PUS7L: variants seen among roughly 807,000 people sequenced by gnomAD.
PUS7L encodes the protein pseudouridylate synthase PUS7L.
A neutral mutation model predicts 51.1 loss-of-function variants in PUS7L; 49 were observed. The observed-to-expected ratio is 0.96, with a 90% confidence interval of 0.76 to 1.22. PUS7L has a LOEUF of 1.22. Among genes scored for constraint, PUS7L ranks in the 50% most tolerant of loss-of-function variants. The pLI is 0.00. For missense variants in PUS7L, 828 were observed against 820.6 expected (o/e 1.01, Z -0.11); for synonymous variants, 277 against 276.2 (o/e 1.00, Z -0.03).
intron 3 of PUS7L, among the ~76,000 whole-genome samples, chr12:43,746,601 A>G (rs973080679): frequency 3.3e-5 from 5 of 152,180 alleles, no homozygotes; most frequent in Non-Finnish European, 5.9e-5. Flanking sequence ...CATTACCAAG[A>G]AAAATCACTA....
At chr12:43,742,932 C>T (rs987341087) in intron 4 of PUS7L, among the ~76,000 whole-genome samples, 1 of 152,200 alleles carries the variant, frequency 6.6e-6, no homozygotes, top group African/African-American at 2.4e-5. Context: ...TATTTTGAGA[C>T]TCTTCGGCTG....
intron 7 of PUS7L, among the ~76,000 whole-genome samples, chr12:43,733,918 T>A (rs1210340290): frequency 2.6e-5 from 4 of 152,136 alleles, no homozygotes; most frequent in Non-Finnish European, 5.9e-5. Context: ...TTCTTTCCTA[T>A]TAGGTTGGAG....
intron 7 of PUS7L, 126 bp from the exon 8 acceptor site, chr12:43,731,884 A>C: frequency 1.6e-6 from 1 of 612,612 alleles, no homozygotes; most frequent in Non-Finnish European, 2.9e-6. Context: ...AACCCAAACA[A>C]GATCTTATCA....
Position 43,730,321 on chromosome 12 carries a change from AG to A in PUS7L, c.*54del. Reference sequence around the variant, plus strand: ...ACATGGAAGGTGCTTAAGACATTTTAGCCCCCTTTCCTTCAAAGAGTGACAT... The same window carrying A: ...ACATGGAAGGTGCTTAAGACATTTTACCCCCTTTCCTTCAAAGAGTGACAT... On this transcript the variant is annotated 3_prime_UTR_variant, in exon 9 of 9. Coordinates refer to ENST00000344862, the MANE Select transcript of PUS7L (RefSeq NM_031292.5). The A allele has an allele frequency of 7.5e-7, 1 of 1,329,766 alleles. No homozygotes were observed. Among genetic ancestry groups the A allele is most frequent in the Non-Finnish European group, 1.1e-6 (1 of 945,052 alleles). The allele number at this position is 1,329,766 out of a possible 1,614,324, so 82.4% of individuals were successfully genotyped here. A position where few individuals can be genotyped will look rare whatever the true frequency, so the allele number is the denominator to read the frequency against.
rs945540563 is a variant in PUS7L at position 43,719,269 on chromosome 12, T to C, written c.*11107A>G. 1 of 152,138 alleles carries C rather than the reference T, an allele frequency of 6.6e-6. No individual in the cohort carries two copies. The highest frequency in any genetic ancestry group is 1.5e-5 in the Non-Finnish European group (1 of 68,028). 9.4% of individuals were successfully genotyped at this position (152,138 alleles called of 1,614,324 possible). ...AAGACACAAACACAGATATGTACAA[T>C]TCCATTCACATAAAATTCAAAATCA... On this transcript the variant is annotated 3_prime_UTR_variant, in exon 9 of 9. Coordinates refer to ENST00000344862, the MANE Select transcript of PUS7L (RefSeq NM_031292.5).
At chr12:43,758,654 ACCCCCC>A in intron 1 of PUS7L, 70 bp downstream of exon 1, 2 of 462,024 alleles carry the variant, frequency 4.3e-6, no homozygotes, top group Non-Finnish European at 4.8e-6. Context: ...CAACCTCGTC[ACCCCCC>A]CCCCCCACAC....
intron 5 of PUS7L, among the ~76,000 whole-genome samples, chr12:43,741,367 G>GA (rs1937890622): frequency 6.6e-6 from 1 of 152,150 alleles, no homozygotes; most frequent in Admixed American, 6.5e-5. Flanking sequence ...TTGATTCTCA[G>GA]AAAAATCTTG....
intron 2 of PUS7L, 88 bp from the exon 3 acceptor site, chr12:43,748,697 A>T: frequency 1.9e-6 from 2 of 1,050,824 alleles, no homozygotes; most frequent in South Asian, 3.5e-5. Flanking sequence ...ATAATAAATC[A>T]AACTATTAAT....
intron 4 of PUS7L, 150 bp from the exon 5 acceptor site, chr12:43,742,705 G>A: frequency 8.3e-7 from 1 of 1,209,142 alleles, no homozygotes. Flanking sequence ...TCTGAAAAAT[G>A]CTGTAAATTA....
chr12:43,742,923 A>C (rs1031647669), intron 4 of PUS7L, among the ~76,000 whole-genome samples: 1 of 152,174 alleles, frequency 6.6e-6, no homozygotes, highest in Non-Finnish European at 1.5e-5. Flanking sequence ...GCTCTTTCTT[A>C]TTTTGAGACT....
chr12:43,736,636 CAAT>C lies in PUS7L; in HGVS notation c.1467_1469del (p.Leu490del), dbSNP rs777393171. ...TCTCACGCACTTTGAATTCAGGCATCAATGAAAGTGTGCCTTTAGCATCCTCTG... is the reference window on the plus strand; with the variant it reads ...TCTCACGCACTTTGAATTCAGGCATCGAAAGTGTGCCTTTAGCATCCTCTG... On this transcript the variant is annotated inframe_deletion, in exon 7 of 9. Transcript: ENST00000344862. The C allele has an allele frequency of 6.2e-7, 1 of 1,613,896 alleles. No homozygotes were observed. The highest frequency in any genetic ancestry group is 8.5e-7 in the Non-Finnish European group (1 of 1,179,868).
Position 43,724,507 on chromosome 12 carries a change from A to G in PUS7L, c.*5869T>C, listed in dbSNP as rs907538340. The stretch of plus-strand genomic sequence containing the variant: ...TTCTTAGTGTTTCATAAGACTTGCT[A>G]AAATCAACTATCAGTAAAATTTTAA... On this transcript the variant is annotated 3_prime_UTR_variant, in exon 9 of 9. Transcript: ENST00000344862. 3 of 152,134 alleles carry G rather than the reference A, an allele frequency of 2.0e-5. No homozygotes were observed. The highest frequency in any genetic ancestry group is 4.1e-4 in the South Asian group (2 of 4,836). 9.4% of individuals were successfully genotyped at this position (152,134 alleles called of 1,614,324 possible).
intron 7 of PUS7L, among the ~76,000 whole-genome samples, chr12:43,735,111 C>T (rs1944653622): frequency 6.6e-6 from 1 of 151,672 alleles, no homozygotes; most frequent in Non-Finnish European, 1.5e-5. Context: ...GTCAGGAGAT[C>T]GAGACCATCC....
Position 43,742,530 on chromosome 12 carries a change from C to A in PUS7L, c.1289G>T (p.Gly430Val). ...VKKKGFVNYY[G>V]PQRFGKGRKV... The stretch of plus-strand genomic sequence containing the variant: ...CCTTCCCTTCCCAAATCTCTGTGGT[C>A]CATAGTAATTCACAAAGCCTTTTTT... Residue 430 changes from glycine to valine, a missense_variant, in exon 5 of 9, where the codon GGA becomes GTA. Coordinates refer to ENST00000344862, the MANE Select transcript of PUS7L (RefSeq NM_031292.5). The A allele has an allele frequency of 6.2e-7, 1 of 1,606,450 alleles. No individual in the cohort carries two copies. The highest frequency in any genetic ancestry group is 8.5e-7 in the Non-Finnish European group (1 of 1,177,436).
chr12:43,744,587 A>G (rs920109303), intron 4 of PUS7L, among the ~76,000 whole-genome samples: 2 of 152,210 alleles, frequency 1.3e-5, no homozygotes, highest in Non-Finnish European at 2.9e-5. Context: ...TCATAGCAGC[A>G]TGAGAATGGA....
chr12:43,743,231 G>A (rs1303536098), intron 4 of PUS7L, among the ~76,000 whole-genome samples: 2 of 152,058 alleles, frequency 1.3e-5, no homozygotes, highest in Admixed American at 6.5e-5. Context: ...ACATACTACC[G>A]CAACCATTAA....
At chr12:43,743,717 C>T (rs549155852) in intron 4 of PUS7L, among the ~76,000 whole-genome samples, 8 of 151,834 alleles carry the variant, frequency 5.3e-5, no homozygotes, top group African/African-American at 9.7e-5. Flanking sequence ...GAGCCGAGAT[C>T]GTGCCACTGC....
intron 2 of PUS7L, among the ~76,000 whole-genome samples, chr12:43,752,835 C>T (rs184810287): frequency 9.9e-4 from 151 of 152,172 alleles, no homozygotes; most frequent in African/African-American, 3.5e-3. Flanking sequence ...TGTGACTGTC[C>T]TCAATGCCAC....
chr12:43,754,315 G>A (rs1183802754), intron 2 of PUS7L, 21 bp downstream of exon 2: 2 of 1,459,002 alleles, frequency 1.4e-6, no homozygotes, highest in Admixed American at 2.1e-5. Flanking sequence ...CAAGAAAATG[G>A]ATGATGATTT....
Sources: gnomAD v4.1 joint callset for allele counts (sites outside exome capture counted in the v4.1 genomes callset) on GRCh38, gnomAD v4.1.1 for gene constraint, MANE v1.5 for transcripts, NCBI Gene and HGNC (gene_info 2026-07-23, HGNC 2026-07-21) for gene names.